Variants in GALNT13 observed in about 807,000 individuals in gnomAD.
GALNT13 encodes polypeptide N-acetylgalactosaminyltransferase 13.
A neutral mutation model predicts 64.2 loss-of-function variants in GALNT13; 28 were observed. The ratio of observed to expected loss-of-function variants is 0.44; its 90% CI spans 0.32 to 0.60. The LOEUF is 0.60. Ranked by LOEUF, GALNT13 falls within the 20% of genes least tolerant of loss-of-function variation. The probability of loss-of-function intolerance (pLI) is 0.05; values close to 1 mark genes in which losing one functional copy is unlikely to be tolerated. For missense variants in GALNT13, 577 were observed against 669.8 expected (o/e 0.86, Z 1.53); for synonymous variants, 214 against 224.6 (o/e 0.95, Z 0.42).
At chr2:153,186,154 A>G in the GALNT13 span, among the ~76,000 whole-genome samples, 1 of 152,094 alleles carries the variant, frequency 6.6e-6, no homozygotes, top group Admixed American at 6.5e-5. Flanking sequence ...GTATGGGTGC[A>G]TGTATATTTA....
chr2:153,975,932 G>A (rs764034701), intron 3 of GALNT13, among the ~76,000 whole-genome samples: 7 of 152,138 alleles, frequency 4.6e-5, no homozygotes, highest in Non-Finnish European at 7.4e-5. Context: ...CACATTGCAC[G>A]TCCTAAATAT....
chr2:153,429,396 A>G, the GALNT13 span, among the ~76,000 whole-genome samples: 5 of 152,154 alleles, frequency 3.3e-5, no homozygotes, highest in African/African-American at 9.7e-5. Flanking sequence ...ATTTTTGTCT[A>G]TTATTAAACA....
At chr2:153,754,575 C>A in the GALNT13 span, among the ~76,000 whole-genome samples, 2 of 152,112 alleles carry the variant, frequency 1.3e-5, no homozygotes, top group Non-Finnish European at 2.9e-5. Flanking sequence ...ACAGTCCCCC[C>A]ACTCTTCCCG....
chr2:153,855,855 A>G, the GALNT13 span, among the ~76,000 whole-genome samples: 1 of 152,176 alleles, frequency 6.6e-6, no homozygotes, highest in African/African-American at 2.4e-5. Context: ...TGGATGAATA[A>G]AATGTGGTAT....
chr2:153,101,619 A>G, the GALNT13 span, among the ~76,000 whole-genome samples: 5 of 152,364 alleles, frequency 3.3e-5, no homozygotes, highest in East Asian at 9.6e-4. Context: ...GACGTTTGTG[A>G]AATTTAACAA....
At chr2:153,429,153 T>C in the GALNT13 span, among the ~76,000 whole-genome samples, 4 of 152,160 alleles carry the variant, frequency 2.6e-5, no homozygotes, top group African/African-American at 9.6e-5. Flanking sequence ...TTTTATATTA[T>C]AAGGATTTCA....
At chr2:154,025,997 A>G (rs762238531) in intron 3 of GALNT13, among the ~76,000 whole-genome samples, 2 of 152,172 alleles carry the variant, frequency 1.3e-5, no homozygotes, top group African/African-American at 2.4e-5. Context: ...ACTTGCCATT[A>G]TATAAGGAAT....
intron 2 of GALNT13, among the ~76,000 whole-genome samples, chr2:153,901,958 T>C (rs1310056377): frequency 6.6e-6 from 1 of 152,122 alleles, no homozygotes. Flanking sequence ...CAATGAAGGG[T>C]TGAGCTTGAC....
At position 154,451,429 on chromosome 2, in the gene GALNT13, A is replaced by G. The variant is rs1198776772; in HGVS notation, c.*878A>G. 2.0e-5 allele frequency: 3 copies of G among 152,088 alleles called. No homozygotes were observed. The highest frequency in any genetic ancestry group is 7.2e-5 in the African/African-American group (3 of 41,440). The allele number at this position is 152,088 out of a possible 1,614,324, so 9.4% of individuals were successfully genotyped here. On this transcript the variant is annotated 3_prime_UTR_variant, in exon 13 of 13. Coordinates refer to ENST00000392825, the MANE Select transcript of GALNT13 (RefSeq NM_052917.4). ...CAGTGGCATGCCATTGATGCTGTAC[A>G]GAATTGCAGGTGAAAGGGAGAATTT...
At chr2:153,331,303 T>G in the GALNT13 span, among the ~76,000 whole-genome samples, 1 of 152,060 alleles carries the variant, frequency 6.6e-6, no homozygotes, top group African/African-American at 2.4e-5. Context: ...AGGTGTACAG[T>G]AATTCTACTA....
the GALNT13 span, among the ~76,000 whole-genome samples, chr2:153,356,219 GA>G: frequency 6.6e-6 from 1 of 152,140 alleles, no homozygotes; most frequent in African/African-American, 2.4e-5. Context: ...AAGAAATTCA[GA>G]AAAAGTAGAT....
intron 3 of GALNT13, among the ~76,000 whole-genome samples, chr2:154,004,216 G>GT (rs200898487): frequency 0.19 from 28,235 of 145,990 alleles, 3,227 homozygotes; most frequent in African/African-American, 0.32. Context: ...ATTTTTTTTT[G>GT]TTTTTTTTGA....
chr2:153,440,337 A>G, the GALNT13 span, among the ~76,000 whole-genome samples: 1 of 152,020 alleles, frequency 6.6e-6, no homozygotes, highest in African/African-American at 2.4e-5. Context: ...CATTTTCTTT[A>G]TCCAGTCTAT....
the GALNT13 span, among the ~76,000 whole-genome samples, chr2:153,208,376 T>C: frequency 6.6e-6 from 1 of 152,212 alleles, no homozygotes; most frequent in Non-Finnish European, 1.5e-5. Flanking sequence ...CAGAAAGTCA[T>C]TTATATAAAA....
chr2:153,561,873 T>C, the GALNT13 span, among the ~76,000 whole-genome samples: 4 of 152,300 alleles, frequency 2.6e-5, no homozygotes, highest in East Asian at 7.7e-4. Context: ...TCTTCCTAGA[T>C]CTATTAATGT....
the GALNT13 span, among the ~76,000 whole-genome samples, chr2:153,308,936 A>T: frequency 2.0e-5 from 3 of 152,076 alleles, no homozygotes; most frequent in Non-Finnish European, 4.4e-5. Context: ...AATTTTTTTT[A>T]GATTAGATCT....
At chr2:154,289,420 A>G (rs1198874794) in intron 8 of GALNT13, among the ~76,000 whole-genome samples, 1 of 152,322 alleles carries the variant, frequency 6.6e-6, no homozygotes, top group East Asian at 1.9e-4. Context: ...ACAGTTCCAC[A>G]TGGCTGGGGA....
intron 4 of GALNT13, among the ~76,000 whole-genome samples, chr2:154,200,633 C>T (rs1352250127): frequency 6.6e-6 from 1 of 152,148 alleles, no homozygotes; most frequent in Non-Finnish European, 1.5e-5. Flanking sequence ...TATGTCCTCA[C>T]ATGGCAGAAG....
At chr2:153,347,698 A>T in the GALNT13 span, among the ~76,000 whole-genome samples, 11 of 152,194 alleles carry the variant, frequency 7.2e-5, no homozygotes, top group African/African-American at 2.7e-4. Context: ...TTCATTAGGT[A>T]TCAAAAACTA....
Sources: gnomAD v4.1 joint callset for allele counts (sites outside exome capture counted in the v4.1 genomes callset) on GRCh38, gnomAD v4.1.1 for gene constraint, MANE v1.5 for transcripts, NCBI Gene and HGNC (gene_info 2026-07-23, HGNC 2026-07-21) for gene names.